The following SPAG17 variants were observed in gnomAD, a reference collection of about 807,000 sequenced individuals.
SPAG17 encodes sperm-associated antigen 17.
In SPAG17, 169 loss-of-function variants were observed where a neutral mutation model predicts 273.6. The observed-to-expected ratio is 0.62, with a 90% CI of 0.55 to 0.70. The LOEUF (loss-of-function observed/expected upper bound fraction) is 0.70. Among genes scored for constraint, SPAG17 ranks in the 30% least tolerant of loss-of-function variants. SPAG17 has a pLI of 0.00. For missense variants in SPAG17, 2,557 were observed against 2,627.8 expected (o/e 0.97, Z 0.59); for synonymous variants, 825 against 873.2 (o/e 0.94, Z 0.97).
At position 117,973,473 on chromosome 1, in the gene SPAG17, C is replaced by T. The variant is rs1654792542; in HGVS notation, c.6093G>A (p.Leu2031=). 1 of 1,613,804 alleles carries T rather than the reference C, an allele frequency of 6.2e-7. No homozygotes were observed. Among genetic ancestry groups the T allele is most frequent in the African/African-American group, 1.3e-5 (1 of 74,902 alleles). The change falls in exon 44 of 49, where the codon TTG becomes TTA. Residue 2031 remains leucine (L), a synonymous_variant. Coordinates refer to ENST00000336338, the MANE Select transcript of SPAG17 (RefSeq NM_206996.4). ...GCTTGGAACTCAGCAAATAATGAGG[C>T]AACTTCACTTTTTCTTTTCTTGTTT... ...AGQTRKEKVK[L]PHYLLSSKPK... is the part of the protein sequence containing the mutation.
chr1:117,969,314 C>T (rs1450738062), intron 46 of SPAG17, among the ~76,000 whole-genome samples: 3 of 152,058 alleles, frequency 2.0e-5, no homozygotes, highest in Admixed American at 1.3e-4. Context: ...GGCGCAGTGG[C>T]TCATGCATGT....
intron 24 of SPAG17, among the ~76,000 whole-genome samples, chr1:118,034,843 A>G (rs1396527160): frequency 6.6e-6 from 1 of 152,232 alleles, no homozygotes; most frequent in African/African-American, 2.4e-5. Flanking sequence ...TCTTAATTTT[A>G]GGTATATTCA....
intron 6 of SPAG17, among the ~76,000 whole-genome samples, 178 bp from the exon 7 acceptor site, chr1:118,098,029 A>G (rs1447698668): frequency 6.6e-6 from 1 of 152,212 alleles, no homozygotes; most frequent in Non-Finnish European, 1.5e-5. Flanking sequence ...GAAATCAGAG[A>G]ACTTTATTTC....
At chr1:118,021,560 T>C (rs1490850627) in intron 28 of SPAG17, among the ~76,000 whole-genome samples, 1 of 152,148 alleles carries the variant, frequency 6.6e-6, no homozygotes, top group Non-Finnish European at 1.5e-5. Context: ...TTAATAATAA[T>C]GTAAGATTGG....
chr1:118,007,119 C>T (rs1179912164), intron 31 of SPAG17, among the ~76,000 whole-genome samples: 1 of 151,892 alleles, frequency 6.6e-6, no homozygotes, highest in Non-Finnish European at 1.5e-5. Flanking sequence ...TTTGGTAAAG[C>T]TTGTATGTTT....
chr1:118,095,930 G>A (rs1319466216), intron 7 of SPAG17, among the ~76,000 whole-genome samples: 2 of 152,100 alleles, frequency 1.3e-5, no homozygotes, highest in African/African-American at 2.4e-5. Flanking sequence ...TAGATGAAGG[G>A]GTGGGGAGGG....
At chr1:118,171,873 T>C (rs891127210) in intron 1 of SPAG17, among the ~76,000 whole-genome samples, 1 of 152,282 alleles carries the variant, frequency 6.6e-6, no homozygotes, top group Admixed American at 6.5e-5. Context: ...TGAGAAAATA[T>C]AAGATTTGGT....
chr1:118,053,738 C>G (rs1410835162), intron 20 of SPAG17, among the ~76,000 whole-genome samples: 1 of 151,732 alleles, frequency 6.6e-6, no homozygotes, highest in Non-Finnish European at 1.5e-5. Flanking sequence ...AGCCCTGAAA[C>G]CATAATGGGA....
intron 1 of SPAG17, among the ~76,000 whole-genome samples, chr1:118,172,714 AT>A (rs1660475732): frequency 6.6e-6 from 1 of 152,138 alleles, no homozygotes; most frequent in South Asian, 2.1e-4. Context: ...AATGAAAAAA[AT>A]TTACGTCTGG....
At chr1:118,114,615 A>G (rs1245652229) in intron 4 of SPAG17, among the ~76,000 whole-genome samples, 1 of 152,214 alleles carries the variant, frequency 6.6e-6, no homozygotes, top group Non-Finnish European at 1.5e-5. Flanking sequence ...GGCTTTCCAA[A>G]CATAATTCAG....
chr1:118,071,017 G>C (rs2102086207), intron 17 of SPAG17, among the ~76,000 whole-genome samples: 1 of 151,698 alleles, frequency 6.6e-6, no homozygotes, highest in Middle Eastern at 3.4e-3. Flanking sequence ...CAGAAAATTA[G>C]ACTTTTTTTT....
Position 118,183,522 on chromosome 1 carries a change from T to C in SPAG17, c.87+1549A>G, listed in dbSNP as rs538411287. Reference sequence around the variant, plus strand: ...ACTGAAGAAAATTGAGTTCACTGTTTATAGTTAAAACTACATATTACTTTG... The same window carrying C: ...ACTGAAGAAAATTGAGTTCACTGTTCATAGTTAAAACTACATATTACTTTG... On this transcript the variant is annotated intron_variant, in intron 1 of 48. Coordinates refer to ENST00000336338, the MANE Select transcript of SPAG17 (RefSeq NM_206996.4). Among the ~76,000 whole-genome samples the C allele has an allele frequency of 3.3e-5, 5 of 152,332 alleles. No homozygotes were observed. In the South Asian group the frequency reaches 6.2e-4, roughly 19 times the overall value.
At chr1:117,998,758 A>G (rs2101693321) in intron 32 of SPAG17, among the ~76,000 whole-genome samples, 1 of 152,186 alleles carries the variant, frequency 6.6e-6, no homozygotes, top group Middle Eastern at 3.4e-3. Context: ...TTCTCAGTGT[A>G]GAGAACTTTC....
At chr1:117,981,460 C>T in intron 42 of SPAG17, 59 bp from the exon 43 acceptor site, 1 of 1,508,938 alleles carries the variant, frequency 6.6e-7, no homozygotes, top group Non-Finnish European at 8.9e-7. Context: ...ATAATGACTA[C>T]TAATGTTTGC....
At chr1:118,046,247 G>A (rs1383429769) in intron 20 of SPAG17, among the ~76,000 whole-genome samples, 1 of 152,012 alleles carries the variant, frequency 6.6e-6, no homozygotes, top group Non-Finnish European at 1.5e-5. Flanking sequence ...TGAGGCAGGA[G>A]GATCATTTGA....
intron 43 of SPAG17, among the ~76,000 whole-genome samples, chr1:117,980,268 GT>G (rs1180190986): frequency 6.6e-6 from 1 of 151,800 alleles, no homozygotes; most frequent in Non-Finnish European, 1.5e-5. Context: ...GTCTCGCTCT[GT>G]TGCCTAGGCT....
chr1:118,122,042 T>G (rs1657452308), intron 3 of SPAG17, among the ~76,000 whole-genome samples: 1 of 152,216 alleles, frequency 6.6e-6, no homozygotes, highest in African/African-American at 2.4e-5. Context: ...TCTTTAAAGT[T>G]TATTGCTTAG....
Position 118,008,164 on chromosome 1 carries a change from C to T in SPAG17, c.4467G>A (p.Lys1489=). 1 of 1,614,000 alleles carries T rather than the reference C, an allele frequency of 6.2e-7. No homozygotes were observed. Among genetic ancestry groups the T allele is most frequent in the Non-Finnish European group, 8.5e-7 (1 of 1,179,964 alleles). ...EGPRTVTRQV[K]CMRVESSRYA... Reference sequence around the variant, plus strand: ...AGCGTGAGCTTTCTACCCGCATACACTTCACCTGCCTGGTGACAGTCCGAG... The same window carrying T: ...AGCGTGAGCTTTCTACCCGCATACATTTCACCTGCCTGGTGACAGTCCGAG... The change falls in exon 31 of 49, where the codon AAG becomes AAA. Residue 1489 remains lysine, a synonymous_variant. Coordinates refer to ENST00000336338, the MANE Select transcript of SPAG17 (RefSeq NM_206996.4).
At chr1:118,028,541 G>T in intron 25 of SPAG17, 147 bp from the exon 26 acceptor site, 1 of 891,938 alleles carries the variant, frequency 1.1e-6, no homozygotes, top group Non-Finnish European at 1.6e-6. Context: ...AGTCTCTGTG[G>T]TTTTGCAATT....
Sources: gnomAD v4.1 joint callset for allele counts (sites outside exome capture counted in the v4.1 genomes callset) on GRCh38, gnomAD v4.1.1 for gene constraint, MANE v1.5 for transcripts, NCBI Gene and HGNC (gene_info 2026-07-23, HGNC 2026-07-21) for gene names.